The following TENM4 variants were observed in gnomAD, a reference collection of about 807,000 sequenced individuals.
TENM4 encodes the protein teneurin-4.
A neutral mutation model predicts 243.3 loss-of-function variants in TENM4; 82 were observed. The observed-to-expected ratio is 0.34, with a 90% CI of 0.28 to 0.40. The LOEUF is 0.40. Ranked by LOEUF, TENM4 falls within the 10% of genes least tolerant of loss-of-function variation. The pLI is 1.00. For missense variants in TENM4, 3,138 were observed against 3,673.3 expected, an observed-to-expected ratio of 0.85 and a Z score of 3.77; for synonymous variants, 1,412 against 1,456.3, an observed-to-expected ratio of 0.97 and a Z score of 0.69.
intron 3 of TENM4, among the ~76,000 whole-genome samples, chr11:79,164,529 C>CTATATATATCTATATACTATATATA: frequency 7.4e-6 from 1 of 134,916 alleles, no homozygotes. Flanking sequence ...TATATATATA[C>CTATATATATCTATATACTATATATA]TATATAGTAC....
chr11:79,359,947 A>G (rs553726720), intron 1 of TENM4, among the ~76,000 whole-genome samples: 1 of 152,252 alleles, frequency 6.6e-6, no homozygotes, highest in African/African-American at 2.4e-5. Flanking sequence ...ATGTGGGGAA[A>G]GCAGGACACA....
At chr11:78,673,166 CAGAA>C (rs200758915) in intron 30 of TENM4, among the ~76,000 whole-genome samples, 1,549 of 152,172 alleles carry the variant, frequency 0.01, 10 homozygotes, top group Non-Finnish European at 0.017. Flanking sequence ...CTTTCAGAGT[CAGAA>C]AGACAGGGCT....
intron 2 of TENM4, among the ~76,000 whole-genome samples, chr11:79,254,927 G>A (rs1226440671): frequency 6.6e-6 from 1 of 152,142 alleles, no homozygotes; most frequent in Non-Finnish European, 1.5e-5. Flanking sequence ...GGGTAGAATA[G>A]AAGCTTTTCC....
At chr11:78,802,289 G>C (rs946067026) in intron 15 of TENM4, among the ~76,000 whole-genome samples, 1 of 152,120 alleles carries the variant, frequency 6.6e-6, no homozygotes, top group Non-Finnish European at 1.5e-5. Flanking sequence ...ATACCAAAAC[G>C]ATGTACTTTA....
intron 3 of TENM4, among the ~76,000 whole-genome samples, chr11:79,191,966 A>C (rs1248248346): frequency 1.4e-5 from 2 of 145,768 alleles, no homozygotes; most frequent in African/African-American, 5.1e-5. Context: ...CCCCCCGCCC[A>C]GCCAGCCGCC....
chr11:79,113,016 G>C (rs1354014939), intron 4 of TENM4, among the ~76,000 whole-genome samples: 1 of 152,190 alleles, frequency 6.6e-6, no homozygotes, highest in Non-Finnish European at 1.5e-5. Context: ...ACCCTTGCTG[G>C]TTTCAGCAAT....
At chr11:78,980,538 A>G (rs1244284457) in intron 6 of TENM4, among the ~76,000 whole-genome samples, 1 of 152,224 alleles carries the variant, frequency 6.6e-6, no homozygotes, top group Non-Finnish European at 1.5e-5. Flanking sequence ...AATGAGCCCA[A>G]GGTCCTATAG....
At chr11:78,900,759 T>C (rs556975653) in intron 7 of TENM4, among the ~76,000 whole-genome samples, 82 of 152,182 alleles carry the variant, frequency 5.4e-4, no homozygotes, top group Non-Finnish European at 1.0e-3. Flanking sequence ...AAGGTCCCTC[T>C]GACTTTGAAG....
Position 78,854,053 on chromosome 11 carries a change from C to T in TENM4, c.1681+51G>A, listed in dbSNP as rs558179451. On this transcript the variant is annotated intron_variant, in intron 12 of 33. Coordinates refer to ENST00000278550, the MANE Select transcript of TENM4 (RefSeq NM_001098816.3). The stretch of plus-strand genomic sequence containing the variant: ...AGTCCCAGAATCTCCATGCAGCCTC[C>T]GACCAAAAGAGACAATATCCCACAG... 6.4e-5 allele frequency: 97 copies of T among 1,504,510 alleles called. 1 individual carries two copies. The highest frequency in any genetic ancestry group is 6.3e-4 in the South Asian group (49 of 78,350). 93.2% of individuals were successfully genotyped at this position (1,504,510 alleles called of 1,614,324 possible).
rs569997044 is a variant in TENM4, at chr11:78,978,635, C to T, written c.494-75112G>A. Among the ~76,000 whole-genome samples, 8 of 151,808 alleles carry T rather than the reference C, an allele frequency of 5.3e-5. No individual in the cohort carries two copies. The South Asian group carries it at 6.2e-4, about 12-fold the overall frequency. The stretch of plus-strand genomic sequence containing the variant: ...AGGGGAAGTGGACACCAGGACGGAA[C>T]GAGAAATCAACTAATAAGAAGGCTG... On this transcript the variant is annotated intron_variant, in intron 6 of 33. Transcript: ENST00000278550.
chr11:79,243,759 C>T (rs1488751011), intron 2 of TENM4, among the ~76,000 whole-genome samples: 1 of 152,198 alleles, frequency 6.6e-6, no homozygotes, highest in East Asian at 1.9e-4. Context: ...TGCACTAATG[C>T]AGGGCGCTAA....
At position 79,064,924 on chromosome 11, in the gene TENM4, G is replaced by A. The variant is rs1247464366; in HGVS notation, c.307C>T (p.Pro103Ser). 6.5e-7 allele frequency: 1 copy of A among 1,539,608 alleles called. No individual in the cohort carries two copies. The highest frequency in any genetic ancestry group is 8.8e-7 in the Non-Finnish European group (1 of 1,138,918). The change falls in exon 6 of 34, where the codon CCC becomes TCC. Residue 103 changes from proline to serine, a missense_variant. Pro to Ser is a moderately conservative substitution (Grantham distance 74). Coordinates refer to ENST00000278550, the MANE Select transcript of TENM4 (RefSeq NM_001098816.3). ...GCCCCCATGGAGTAGCCGCAGTGGG[G>A]GAGGCCAATGTCTGTCCGGTACAGG... ...GTLYRTDIGL[P>S]HCGYSMGAGS...
chr11:78,688,125 G>C lies in TENM4; in HGVS notation c.5189C>G (p.Thr1730Ser). Residue 1730 changes from threonine to serine, a missense_variant, in exon 29 of 34, where the codon ACC (threonine) becomes AGC (serine). By Grantham distance (58) the Thr-to-Ser change is moderately conservative. Transcript: ENST00000278550. ...TATGGTGACATCATCCTTGCTGGAG[G>C]TCTCTACCTGGACATGCACTGAACT... The part of the protein sequence containing the change: ...TDSSVHVQVE[T>S]SSKDDVTITT... The C allele has an allele frequency of 6.2e-7, 1 of 1,613,944 alleles. No individual in the cohort carries two copies. The highest frequency in any genetic ancestry group is 8.5e-7 in the Non-Finnish European group (1 of 1,179,878).
At chr11:79,138,848 T>TAAATATATA (rs1565219711) in intron 4 of TENM4, among the ~76,000 whole-genome samples, 56 of 119,812 alleles carry the variant, frequency 4.7e-4, no homozygotes, top group Middle Eastern at 0.012. Context: ...TATATTTATA[T>TAAATATATA]AAATATACAA....
intron 1 of TENM4, among the ~76,000 whole-genome samples, chr11:79,298,089 T>G (rs1856486231): frequency 6.6e-6 from 1 of 152,182 alleles, no homozygotes; most frequent in African/African-American, 2.4e-5. Flanking sequence ...TAACTCATTT[T>G]CCTTCCCATC....
In TENM4 at chr11:78,729,614, G is replaced by A; in HGVS notation, c.3168C>T (p.Gly1056=). The A allele has an allele frequency of 4.3e-6, 7 of 1,612,588 alleles. No individual in the cohort carries two copies. Among genetic ancestry groups the A allele is most frequent in the Non-Finnish European group, 5.9e-6 (7 of 1,178,948 alleles). Residue 1056 remains glycine, a synonymous_variant, in exon 22 of 34, where the codon GGC becomes GGT. Coordinates refer to ENST00000278550, the MANE Select transcript of TENM4 (RefSeq NM_001098816.3). ...TCAGGTAGCTCAGCCTCATCTTGCAGCCAGAGATAGAGATTTCCTCCTGCA... is the reference window on the plus strand; with the variant it reads ...TCAGGTAGCTCAGCCTCATCTTGCAACCAGAGATAGAGATTTCCTCCTGCA... ...QALQEEISIS[G]CKMRLSYLSS...
At chr11:79,186,495 G>A (rs1863382368) in intron 3 of TENM4, among the ~76,000 whole-genome samples, 1 of 152,216 alleles carries the variant, frequency 6.6e-6, no homozygotes, top group Non-Finnish European at 1.5e-5. Flanking sequence ...GCTGAGAAAG[G>A]TAAATGACAT....
chr11:78,928,282 C>T (rs527995282), intron 6 of TENM4, among the ~76,000 whole-genome samples: 1 of 152,304 alleles, frequency 6.6e-6, no homozygotes, highest in East Asian at 1.9e-4. Flanking sequence ...ACCCAGCTTG[C>T]TGGAAAGTTT....
At chr11:79,430,297 A>G (rs573175758) in intron 1 of TENM4, among the ~76,000 whole-genome samples, 9 of 152,352 alleles carry the variant, frequency 5.9e-5, no homozygotes, top group African/African-American at 2.2e-4. Context: ...TGGCACCACA[A>G]TGAACTGCAG....
Sources: allele counts gnomAD v4.1 joint callset (sites outside exome capture counted in the v4.1 genomes callset), GRCh38; gene constraint gnomAD v4.1.1; transcripts MANE v1.5; gene names NCBI Gene and HGNC (gene_info 2026-07-23, HGNC 2026-07-21).